Variants in BAIAP2L1 observed in about 807,000 individuals in gnomAD.
The protein encoded by BAIAP2L1 is BAR/IMD domain-containing adapter protein 2-like 1.
Under a neutral mutation model 66.3 loss-of-function variants are expected in BAIAP2L1, and 35 were observed. That is an observed-to-expected ratio of 0.53 (90% CI 0.40 to 0.70). BAIAP2L1 has a LOEUF of 0.70. BAIAP2L1 is among the 30% of genes least tolerant of loss of function. BAIAP2L1 has a pLI of 0.00. For missense variants in BAIAP2L1, 622 were observed against 656.9 expected (o/e 0.95, Z 0.58); for synonymous variants, 269 against 248.7 (o/e 1.08, Z -0.77).
chr7:98,306,543 C>T, intron 10 of BAIAP2L1, 27 bp from the exon 11 acceptor site: 1 of 1,614,060 alleles, frequency 6.2e-7, no homozygotes, highest in Non-Finnish European at 8.5e-7. Context: ...AGAAAAGACC[C>T]TATCAGCAGT....
chr7:98,316,104 A>G (rs1170776121), intron 6 of BAIAP2L1, among the ~76,000 whole-genome samples: 2 of 152,120 alleles, frequency 1.3e-5, no homozygotes, highest in Non-Finnish European at 2.9e-5. Flanking sequence ...CATTCTTGTG[A>G]TAGTGAATAA....
At chr7:98,370,080 C>T (rs1334011857) in intron 1 of BAIAP2L1, among the ~76,000 whole-genome samples, 3 of 152,014 alleles carry the variant, frequency 2.0e-5, no homozygotes, top group Non-Finnish European at 4.4e-5. Context: ...ACACAAATCC[C>T]TATCCAAATG....
intron 9 of BAIAP2L1, 79 bp from the exon 10 acceptor site, chr7:98,307,975 A>T (rs1328955481): frequency 7.4e-7 from 1 of 1,342,418 alleles, no homozygotes; most frequent in East Asian, 2.3e-5. Context: ...AAACCCCAGG[A>T]ATCCACCTGT....
intron 1 of BAIAP2L1, chr7:98,399,895 T>G (rs182634211): frequency 6.6e-6 from 1 of 152,118 alleles, no homozygotes; most frequent in Non-Finnish European, 1.5e-5. Flanking sequence ...AACCCATATA[T>G]AAAAGCCAAG....
intron 1 of BAIAP2L1, 121 bp downstream of exon 1, chr7:98,400,681 A>G (rs1584515383): frequency 1.8e-6 from 2 of 1,094,858 alleles, no homozygotes; most frequent in Admixed American, 2.2e-5. Flanking sequence ...AGACCGGGAG[A>G]GGTGGAAGGA....
chr7:98,368,060 C>G (rs1802428300), intron 1 of BAIAP2L1, among the ~76,000 whole-genome samples: 1 of 152,206 alleles, frequency 6.6e-6, no homozygotes. Context: ...CTCCTCCTCA[C>G]CAATCCTCAC....
intron 1 of BAIAP2L1, among the ~76,000 whole-genome samples, chr7:98,394,742 G>C (rs543914870): frequency 6.6e-6 from 1 of 152,302 alleles, no homozygotes; most frequent in South Asian, 2.1e-4. Flanking sequence ...CTATCCAAGA[G>C]AAATGAGGGC....
At chr7:98,325,739 T>C (rs1344011869) in intron 3 of BAIAP2L1, among the ~76,000 whole-genome samples, 1 of 152,150 alleles carries the variant, frequency 6.6e-6, no homozygotes, top group Non-Finnish European at 1.5e-5. Flanking sequence ...TGAATTTTTC[T>C]GACAATTTTC....
chr7:98,298,474 G>A (rs939054330), intron 12 of BAIAP2L1, among the ~76,000 whole-genome samples: 51 of 152,072 alleles, frequency 3.4e-4, no homozygotes, highest in Non-Finnish European at 4.3e-4. Flanking sequence ...TTAGCCAGGC[G>A]TAGTGGCGGG....
intron 3 of BAIAP2L1, among the ~76,000 whole-genome samples, chr7:98,341,527 T>A (rs757326743): frequency 1.6e-4 from 24 of 152,078 alleles, no homozygotes; most frequent in Non-Finnish European, 2.5e-4. Flanking sequence ...CTAAAAAAAA[T>A]TTTTTATTTT....
chr7:98,346,209 C>T (rs909975508), intron 3 of BAIAP2L1, among the ~76,000 whole-genome samples: 1 of 151,924 alleles, frequency 6.6e-6, no homozygotes, highest in Admixed American at 6.6e-5. Context: ...CTTCCAGTAA[C>T]GAAAGACAGG....
rs565131617 is a variant in BAIAP2L1, at chr7:98,294,958, C to T, written c.1423-847G>A. Among the ~76,000 whole-genome samples the T allele has an allele frequency of 2.0e-5, 3 of 152,342 alleles. No individual in the cohort carries two copies. In the East Asian group the frequency reaches 5.8e-4, roughly 29 times the overall value. On this transcript the variant is annotated intron_variant, in intron 12 of 13. Coordinates refer to ENST00000005260, the MANE Select transcript of BAIAP2L1 (RefSeq NM_018842.5). ...CAAAAAGCCTGGAGGGTTTAACACTCTTTCCTGCCTGCACACAGGGAGTGG... is the reference window on the plus strand; with the variant it reads ...CAAAAAGCCTGGAGGGTTTAACACTTTTTCCTGCCTGCACACAGGGAGTGG...
At chr7:98,358,137 A>C (rs1290369771) in intron 2 of BAIAP2L1, among the ~76,000 whole-genome samples, 1 of 152,200 alleles carries the variant, frequency 6.6e-6, no homozygotes, top group Non-Finnish European at 1.5e-5. Flanking sequence ...CACACATGAA[A>C]TCACAATTTT....
chr7:98,317,530 C>CT (rs1801112316), intron 5 of BAIAP2L1, among the ~76,000 whole-genome samples, 174 bp from the exon 6 acceptor site: 2 of 151,322 alleles, frequency 1.3e-5, no homozygotes, highest in African/African-American at 4.9e-5. Flanking sequence ...CACCATCCTC[C>CT]TGCTGGCCGG....
intron 1 of BAIAP2L1, among the ~76,000 whole-genome samples, chr7:98,368,161 G>A (rs972078745): frequency 6.6e-6 from 1 of 152,076 alleles, no homozygotes; most frequent in African/African-American, 2.4e-5. Context: ...GCTCATGCCT[G>A]TAATCCCAGC....
In BAIAP2L1 at chr7:98,400,262, G is replaced by A. The variant is rs142592162; in HGVS notation, c.51+540C>T. The A allele has an allele frequency of 4.4e-4, 53 of 121,126 alleles. 2 individuals carry two copies. In the East Asian group the frequency reaches 0.01, roughly 24 times the overall value. 7.5% of individuals were successfully genotyped at this position (121,126 alleles called of 1,614,324 possible). ...AGGGTCAGGGAAGAGGAGAAGGGAC[G>A]GGGAGGAGAAGGGACAGGGGAGGCG... On this transcript the variant is annotated intron_variant, in intron 1 of 13. Coordinates refer to ENST00000005260, the MANE Select transcript of BAIAP2L1 (RefSeq NM_018842.5).
chr7:98,370,943 T>C (rs1332695131), intron 1 of BAIAP2L1, among the ~76,000 whole-genome samples: 1 of 152,214 alleles, frequency 6.6e-6, no homozygotes, highest in East Asian at 1.9e-4. Flanking sequence ...TAAAGTTTTA[T>C]AGTAGTTGTG....
rs551773999 is a variant in BAIAP2L1, at chr7:98,340,144, C to T, written c.214+14898G>A. ...TTAAAAATCCAAAGATTTAAGAGAA[C>T]GGGCAAACATAATAAAGTTACAATG... On this transcript the variant is annotated intron_variant, in intron 3 of 13. Coordinates refer to ENST00000005260, the MANE Select transcript of BAIAP2L1 (RefSeq NM_018842.5). 5.9e-5 allele frequency among the ~76,000 whole-genome samples: 9 copies of T among 152,142 alleles called. No homozygotes were observed. In the East Asian group the frequency reaches 1.5e-3, roughly 26 times the overall value.
At chr7:98,338,482 A>G (rs935997315) in intron 3 of BAIAP2L1, among the ~76,000 whole-genome samples, 17 of 151,160 alleles carry the variant, frequency 1.1e-4, no homozygotes, top group Admixed American at 9.2e-4. Context: ...CCTTTCTCGC[A>G]TGAAGCCTCA....
Sources: gnomAD v4.1 joint callset for allele counts (sites outside exome capture counted in the v4.1 genomes callset) on GRCh38, gnomAD v4.1.1 for gene constraint, MANE v1.5 for transcripts, NCBI Gene and HGNC (gene_info 2026-07-23, HGNC 2026-07-21) for gene names.